EPHA3: variants seen among roughly 807,000 people sequenced by gnomAD.
The protein encoded by EPHA3 is EPH receptor A3, also known as ephrin type-A receptor 3.
Under a neutral mutation model 107.1 loss-of-function variants are expected in EPHA3, and 42 were observed. The ratio of observed to expected loss-of-function variants is 0.39; its 90% CI spans 0.31 to 0.51. The LOEUF (loss-of-function observed/expected upper bound fraction) is 0.51. Ranked by LOEUF, EPHA3 falls within the 20% of genes least tolerant of loss-of-function variation. The pLI is 0.78. For missense variants in EPHA3, 1,183 were observed against 1,211.2 expected, an observed-to-expected ratio of 0.98 and a Z score of 0.35; for synonymous variants, 461 against 424.8, an observed-to-expected ratio of 1.09 and a Z score of -1.05.
chr3:89,277,086 G>T (rs1705825083), intron 3 of EPHA3, among the ~76,000 whole-genome samples: 1 of 152,036 alleles, frequency 6.6e-6, no homozygotes, highest in Non-Finnish European at 1.5e-5. Context: ...TAGAAGACAT[G>T]GTATCTTCGT....
intron 2 of EPHA3, among the ~76,000 whole-genome samples, chr3:89,158,437 T>A (rs1197888528): frequency 6.6e-6 from 1 of 152,088 alleles, no homozygotes; most frequent in Non-Finnish European, 1.5e-5. Flanking sequence ...TTAAAAGGAA[T>A]GAAAGAATAT....
intron 11 of EPHA3, among the ~76,000 whole-genome samples, chr3:89,424,077 A>G (rs1709406846): frequency 6.6e-6 from 1 of 151,468 alleles, no homozygotes; most frequent in Non-Finnish European, 1.5e-5. Flanking sequence ...TCTTGATACC[A>G]AACTATACAG....
chr3:89,390,665 A>G (rs1708708791), intron 5 of EPHA3, among the ~76,000 whole-genome samples: 1 of 151,650 alleles, frequency 6.6e-6, no homozygotes, highest in South Asian at 2.1e-4. Context: ...TAGTCATTGC[A>G]TGTTGCTGAT....
intron 5 of EPHA3, among the ~76,000 whole-genome samples, chr3:89,379,107 G>A (rs1334529589): frequency 1.3e-5 from 2 of 152,136 alleles, no homozygotes; most frequent in African/African-American, 4.8e-5. Flanking sequence ...ATCTGTCTCT[G>A]CAATTTCCCC....
At chr3:89,169,312 T>A (rs1705157836) in intron 2 of EPHA3, among the ~76,000 whole-genome samples, 1 of 152,202 alleles carries the variant, frequency 6.6e-6, no homozygotes, top group African/African-American at 2.4e-5. Context: ...TTATAGATAT[T>A]GTACATATTT....
intron 3 of EPHA3, among the ~76,000 whole-genome samples, chr3:89,252,169 T>A (rs376836579): frequency 1.3e-5 from 2 of 152,180 alleles, no homozygotes; most frequent in East Asian, 3.9e-4. Flanking sequence ...ACACTTCTTA[T>A]ACTGCAAACC....
At position 89,268,979 on chromosome 3, in the gene EPHA3, G is replaced by A. The variant is rs565297036; in HGVS notation, c.814+58459G>A. ...TCGTGTGTCTTATACAAGGTCATAG[G>A]ATAAACCCATGGGCATTAGTTAGAA... is the stretch of plus-strand genomic sequence containing the variant. On this transcript the variant is annotated intron_variant, in intron 3 of 16. Transcript: ENST00000336596. Among the ~76,000 whole-genome samples the A allele has an allele frequency of 4.6e-5, 7 of 151,924 alleles. No individual in the cohort carries two copies. The South Asian group carries it at 1.5e-3, about 32-fold the overall frequency.
chr3:89,445,478 G>A (rs1709861500), intron 13 of EPHA3, among the ~76,000 whole-genome samples: 1 of 152,128 alleles, frequency 6.6e-6, no homozygotes, highest in African/African-American at 2.4e-5. Context: ...TGGCCAGCGA[G>A]GAAAAGAACT....
intron 3 of EPHA3, among the ~76,000 whole-genome samples, chr3:89,273,253 T>C (rs1705722902): frequency 6.6e-6 from 1 of 151,936 alleles, no homozygotes; most frequent in South Asian, 2.1e-4. Context: ...TGTAAATACC[T>C]AAAAAGGAGG....
chr3:89,396,005 C>A (rs146011628), intron 6 of EPHA3, 44 bp downstream of exon 6: 103 of 1,605,496 alleles, frequency 6.4e-5, no homozygotes, highest in Non-Finnish European at 8.1e-5. Flanking sequence ...AGGCAAGAAG[C>A]TGTTTCCTCA....
chr3:89,382,157 T>G (rs1371883406), intron 5 of EPHA3, among the ~76,000 whole-genome samples: 1 of 152,120 alleles, frequency 6.6e-6, no homozygotes, highest in Non-Finnish European at 1.5e-5. Context: ...AAATGCATGT[T>G]TTATTGTAAC....
chr3:89,438,275 A>AT lies in EPHA3; in HGVS notation c.2346+6925dup, dbSNP rs894941672. On this transcript the variant is annotated intron_variant, in intron 13 of 16. Transcript: ENST00000336596. ...AGGGGCCCATCACTACACCCGGCTA[A>AT]TTTTTTTTTGTATTTTTAGTAGAGA... Among the ~76,000 whole-genome samples, 30 of 150,390 alleles carry AT rather than the reference A, an allele frequency of 2.0e-4. No homozygotes were observed. In the South Asian group the frequency reaches 3.0e-3, roughly 15 times the overall value.
intron 13 of EPHA3, 117 bp downstream of exon 13, chr3:89,431,476 A>ATTGTG: frequency 1.4e-6 from 1 of 699,214 alleles, no homozygotes; most frequent in Non-Finnish European, 2.3e-6. Flanking sequence ...TTTCCACAAT[A>ATTGTG]GAAAACATAT....
chr3:89,238,556 G>C (rs1434858555), intron 3 of EPHA3, among the ~76,000 whole-genome samples: 1 of 152,096 alleles, frequency 6.6e-6, no homozygotes, highest in Non-Finnish European at 1.5e-5. Flanking sequence ...CTCAATTCTT[G>C]AGTTTAACAT....
chr3:89,424,268 C>T (rs553724135), intron 11 of EPHA3, among the ~76,000 whole-genome samples: 69 of 151,272 alleles, frequency 4.6e-4, no homozygotes, highest in African/African-American at 1.6e-3. Flanking sequence ...AAACTCATAA[C>T]ATTAATAGGT....
In EPHA3 at chr3:89,476,980, G is replaced by A. The variant is rs865932907; in HGVS notation, c.2847-2417G>A. Among the ~76,000 whole-genome samples, 6 of 152,002 alleles carry A rather than the reference G, an allele frequency of 3.9e-5. No individual in the cohort carries two copies. In the South Asian group the frequency reaches 1.0e-3, roughly 26 times the overall value. On this transcript the variant is annotated intron_variant, in intron 16 of 16. Transcript: ENST00000336596. Reference sequence around the variant, plus strand: ...ATAGGATATGGTATTGGAAGAAGATGAAAGAAAAAAGAAAGAGTGAGAATC... The same window carrying A: ...ATAGGATATGGTATTGGAAGAAGATAAAAGAAAAAAGAAAGAGTGAGAATC...
At chr3:89,429,266 T>A in intron 12 of EPHA3, 99 bp downstream of exon 12, 1 of 901,816 alleles carries the variant, frequency 1.1e-6, no homozygotes, top group Non-Finnish European at 1.7e-6. Flanking sequence ...AATCTAAGTT[T>A]AAAGTAAAAC....
intron 3 of EPHA3, among the ~76,000 whole-genome samples, chr3:89,225,553 A>ATT (rs757753090): frequency 1.3e-5 from 2 of 152,096 alleles, no homozygotes; most frequent in African/African-American, 4.8e-5. Flanking sequence ...AGAAAGTTGC[A>ATT]TTTTTTCCCC....
intron 2 of EPHA3, among the ~76,000 whole-genome samples, chr3:89,130,196 A>T (rs753601779): frequency 2.0e-5 from 3 of 152,168 alleles, no homozygotes; most frequent in African/African-American, 7.2e-5. Context: ...TCCAATGAAC[A>T]TGGCAGCCCC....
Sources: allele counts gnomAD v4.1 joint callset (sites outside exome capture counted in the v4.1 genomes callset), GRCh38; gene constraint gnomAD v4.1.1; transcripts MANE v1.5; gene names NCBI Gene and HGNC (gene_info 2026-07-23, HGNC 2026-07-21).